The following PIGU variants were observed in gnomAD, a reference collection of about 807,000 sequenced individuals.
PIGU encodes the protein GPI-anchor transamidase component PIGU.
A neutral mutation model predicts 49.9 loss-of-function variants in PIGU; 24 were observed. The observed-to-expected ratio is 0.48, with a 90% CI of 0.35 to 0.68. The LOEUF (loss-of-function observed/expected upper bound fraction) is 0.68, where lower values mean the gene tolerates loss of function less well. Among genes scored for constraint, PIGU ranks in the 30% least tolerant of loss-of-function variants. The probability of loss-of-function intolerance (pLI) is 0.01; values close to 1 mark genes in which losing one functional copy is unlikely to be tolerated. For missense variants in PIGU, 490 were observed against 532.6 expected (o/e 0.92, Z 0.79); for synonymous variants, 220 against 205.7 (o/e 1.07, Z -0.59).
intron 6 of PIGU, among the ~76,000 whole-genome samples, chr20:34,625,824 C>A (rs1985464750): frequency 6.6e-6 from 1 of 150,972 alleles, no homozygotes. Context: ...GTGGGAGGAT[C>A]ACTTGAGCCT....
chr20:34,597,378 T>C (rs1984241285), intron 7 of PIGU, among the ~76,000 whole-genome samples: 1 of 152,248 alleles, frequency 6.6e-6, no homozygotes, highest in Non-Finnish European at 1.5e-5. Context: ...AAAATAATCC[T>C]ATTATTTCAT....
chr20:34,659,400 G>C (rs1450573357), intron 1 of PIGU, among the ~76,000 whole-genome samples: 1 of 142,142 alleles, frequency 7.0e-6, no homozygotes, highest in South Asian at 2.2e-4. Context: ...CCCTCTGCCC[G>C]GCCAGCCGCC....
chr20:34,650,229 GTTAT>G (rs1986487179), intron 2 of PIGU, among the ~76,000 whole-genome samples: 1 of 151,812 alleles, frequency 6.6e-6, no homozygotes, highest in Non-Finnish European at 1.5e-5. Flanking sequence ...AAATTATTCT[GTTAT>G]TTATTTCTTG....
chr20:34,659,456 C>T (rs1219209162), intron 1 of PIGU, among the ~76,000 whole-genome samples: 1 of 150,608 alleles, frequency 6.6e-6, no homozygotes, highest in African/African-American at 2.4e-5. Flanking sequence ...CCCGGCCAGC[C>T]GCCCCGTCCG....
At chr20:34,587,572 G>A (rs1336347629) in intron 8 of PIGU, among the ~76,000 whole-genome samples, 2 of 152,072 alleles carry the variant, frequency 1.3e-5, no homozygotes, top group Non-Finnish European at 2.9e-5. Context: ...ACCACACTGT[G>A]CTAGTACTCA....
intron 6 of PIGU, among the ~76,000 whole-genome samples, chr20:34,631,702 A>C (rs1455477592): frequency 1.0e-5 from 1 of 96,684 alleles, no homozygotes; most frequent in African/African-American, 3.6e-5. Context: ...TACAGGTGCC[A>C]GCCACCATGT....
intron 10 of PIGU, among the ~76,000 whole-genome samples, chr20:34,576,728 C>G (rs977126330): frequency 6.6e-6 from 1 of 152,138 alleles, no homozygotes; most frequent in African/African-American, 2.4e-5. Context: ...CTCCAGGGAT[C>G]CTCCTGTCTC....
intron 1 of PIGU, among the ~76,000 whole-genome samples, chr20:34,666,766 G>A (rs1161153152): frequency 7.1e-6 from 1 of 141,120 alleles, no homozygotes; most frequent in South Asian, 2.2e-4. Context: ...GCGCGATCTC[G>A]GCTCACTGCA....
intron 1 of PIGU, among the ~76,000 whole-genome samples, chr20:34,670,252 T>G (rs975109096): frequency 6.8e-6 from 1 of 147,492 alleles, no homozygotes; most frequent in African/African-American, 2.5e-5. Context: ...TGCAGTGGCA[T>G]GATCTCAGCT....
chr20:34,616,847 C>G (rs1985030754), intron 6 of PIGU, among the ~76,000 whole-genome samples: 1 of 152,122 alleles, frequency 6.6e-6, no homozygotes, highest in Admixed American at 6.5e-5. Context: ...GGCAAAGTAA[C>G]TCACGCCTAT....
At chr20:34,669,899 A>G (rs987311912) in intron 1 of PIGU, among the ~76,000 whole-genome samples, 1 of 152,122 alleles carries the variant, frequency 6.6e-6, no homozygotes, top group African/African-American at 2.4e-5. Context: ...AACACAAACA[A>G]AAACTTTTTT....
At chr20:34,618,154 T>C (rs1462858074) in intron 6 of PIGU, among the ~76,000 whole-genome samples, 1 of 152,258 alleles carries the variant, frequency 6.6e-6, no homozygotes, top group Admixed American at 6.5e-5. Flanking sequence ...TTATAGTGGT[T>C]ATCTCTGGGT....
intron 1 of PIGU, among the ~76,000 whole-genome samples, chr20:34,675,248 C>CAAA (rs71196751): frequency 4.3e-5 from 3 of 70,354 alleles, no homozygotes; most frequent in African/African-American, 5.9e-5. Flanking sequence ...AACTCCATCT[C>CAAA]AAAAAAAAAA....
chr20:34,602,735 C>T (rs1401992908), intron 7 of PIGU, among the ~76,000 whole-genome samples: 1 of 152,142 alleles, frequency 6.6e-6, no homozygotes, highest in Non-Finnish European at 1.5e-5. Flanking sequence ...GAATATAAAG[C>T]TTAATGAATG....
chr20:34,643,237 T>TAC (rs1246449125), intron 4 of PIGU, among the ~76,000 whole-genome samples: 7 of 152,066 alleles, frequency 4.6e-5, no homozygotes, highest in South Asian at 4.2e-4. Flanking sequence ...AACAATGATA[T>TAC]ACACACACAC....
chr20:34,575,281 G>A lies in PIGU; in HGVS notation c.1052-35C>T, dbSNP rs377501066. On this transcript the variant is annotated intron_variant, in intron 10 of 11. Coordinates refer to ENST00000217446, the MANE Select transcript of PIGU (RefSeq NM_080476.5). ...CAGAGGGTTACAGTTAGCCTGACAC[G>A]CTCTCTCTGGCATGCTTTCCCTGCT... is the stretch of plus-strand genomic sequence containing the variant. The A allele has an allele frequency of 9.9e-5, 158 of 1,602,336 alleles. 1 individual carries two copies. The South Asian group carries it at 1.3e-3, about 14-fold the overall frequency.
At chr20:34,635,857 A>G (rs1049097220) in intron 5 of PIGU, among the ~76,000 whole-genome samples, 2 of 151,790 alleles carry the variant, frequency 1.3e-5, no homozygotes, top group South Asian at 2.1e-4. Context: ...CCTGGGCAAC[A>G]AGAGTGAAGC....
At chr20:34,671,619 T>G (rs935819603) in intron 1 of PIGU, among the ~76,000 whole-genome samples, 1 of 152,054 alleles carries the variant, frequency 6.6e-6, no homozygotes, top group African/African-American at 2.4e-5. Flanking sequence ...GGAAATTCAT[T>G]CCTTAAAAAT....
At chr20:34,637,816 T>G (rs756233673) in intron 5 of PIGU, 60 bp downstream of exon 5, 45 of 1,588,592 alleles carry the variant, frequency 2.8e-5, no homozygotes, top group Non-Finnish European at 3.8e-5. Context: ...CATGGGAAAG[T>G]CTCATCAGAT....
Sources: gnomAD v4.1 joint callset for allele counts (sites outside exome capture counted in the v4.1 genomes callset) on GRCh38, gnomAD v4.1.1 for gene constraint, MANE v1.5 for transcripts, NCBI Gene and HGNC (gene_info 2026-07-23, HGNC 2026-07-21) for gene names.